Variants in SYNE2 observed in about 807,000 individuals in gnomAD.
SYNE2 encodes the protein nesprin-2.
SYNE2 carries 431 observed loss-of-function variants against 856.3 expected under a neutral mutation model. That is an observed-to-expected ratio of 0.50 (90% CI 0.47 to 0.55). The LOEUF is 0.55. Ranked by LOEUF, SYNE2 falls within the 20% of genes least tolerant of loss-of-function variation. The pLI is 0.00. For synonymous variants in SYNE2, 2,923 were observed against 2,872.3 expected (o/e 1.02, Z -0.56); for missense variants, 8,129 against 8,023.2 (o/e 1.01, Z -0.50).
chr14:63,924,852 T>TTTTTTTTTTG (rs1595670975), intron 2 of SYNE2, among the ~76,000 whole-genome samples: 1 of 138,496 alleles, frequency 7.2e-6, no homozygotes, highest in East Asian at 2.1e-4. Flanking sequence ...TTTTTTTTTT[T>TTTTTTTTTTG]TTTTTTTTTT....
At chr14:63,791,496 A>AT (rs1458148765) in intron 1 of SYNE2, among the ~76,000 whole-genome samples, 1 of 152,046 alleles carries the variant, frequency 6.6e-6, no homozygotes, top group South Asian at 2.1e-4. Flanking sequence ...AAATATCTCA[A>AT]TTTTTCTCTT....
chr14:63,763,255 A>G (rs1756685736), intron 1 of SYNE2, among the ~76,000 whole-genome samples: 1 of 152,252 alleles, frequency 6.6e-6, no homozygotes, highest in Non-Finnish European at 1.5e-5. Context: ...GGCATGAGCC[A>G]CCACGCCTGG....
intron 94 of SYNE2, 151 bp downstream of exon 94, chr14:64,170,613 A>C: frequency 1.3e-6 from 1 of 782,910 alleles, no homozygotes; most frequent in Admixed American, 2.0e-5. Flanking sequence ...ACCACCCCCC[A>C]CAGCCCAGTC....
At chr14:63,845,252 C>G (rs1890188522) in intron 1 of SYNE2, among the ~76,000 whole-genome samples, 1 of 151,980 alleles carries the variant, frequency 6.6e-6, no homozygotes, top group African/African-American at 2.4e-5. Context: ...CTCGTCTCTA[C>G]TAAAATTACA....
In SYNE2 at chr14:64,090,932, C is replaced by G. The variant is rs779894203; in HGVS notation, c.11860C>G (p.Leu3954Val). ...TGAGATAGTGTCTTACCAAGTGGAA[C>G]TGAGGTTGCCCCAAACAGGAATGAA... is the stretch of plus-strand genomic sequence containing the variant. ...IAEIVSYQVE[L>V]RLPQTGMKPL... The change falls in exon 60 of 116, where the codon CTG becomes GTG. Residue 3954 changes from leucine (L) to valine (V), a missense_variant. Leu to Val is a conservative substitution (Grantham distance 32, BLOSUM62 1). Around this residue, in one of 3 missense-constraint regions of SYNE2, gnomAD observed 5,410 missense variants for 5,284.8 expected, o/e 1.02. Transcript: ENST00000555002. 1 of 1,614,122 alleles carries G rather than the reference C, an allele frequency of 6.2e-7. No homozygotes were observed. The highest frequency in any genetic ancestry group is 8.5e-7 in the Non-Finnish European group (1 of 1,180,002).
At chr14:64,157,703 G>A (rs1370056676) in intron 85 of SYNE2, among the ~76,000 whole-genome samples, 1 of 152,184 alleles carries the variant, frequency 6.6e-6, no homozygotes, top group East Asian at 1.9e-4. Flanking sequence ...CACCAGCAAT[G>A]TATGAGGATT....
At position 64,202,940 on chromosome 14, in the gene SYNE2, CAG is replaced by C; in HGVS notation, c.18180_18181del (p.Lys6061GlufsTer4). 1 of 1,614,156 alleles carries C rather than the reference CAG, an allele frequency of 6.2e-7. No individual in the cohort carries two copies. The highest frequency in any genetic ancestry group is 8.5e-7 in the Non-Finnish European group (1 of 1,180,022). ...VYDVCDDQEIQKRLAEQQDLQ... is the reference protein window; with the variant it reads ...VYDVCDDQEIXKRLAEQQDLQ... ...TGATGTCTGCGATGATCAAGAGATC[CAG>C]AAGAGGCTCGCTGAGCAGCAGGTGG... On this transcript the variant is annotated frameshift_variant, in exon 100 of 116. Transcript: ENST00000555002. LOFTEE classifies it high-confidence loss of function.
At chr14:64,185,519 C>CTTTTTTTTTTTT (rs66490444) in intron 96 of SYNE2, among the ~76,000 whole-genome samples, 61 of 77,448 alleles carry the variant, frequency 7.9e-4, no homozygotes, top group East Asian at 1.1e-3. Context: ...TTTTCTTTTT[C>CTTTTTTTTTTTT]TTTTTTTTTT....
chr14:63,913,440 T>TTTTTTC (rs2095496649), intron 2 of SYNE2, among the ~76,000 whole-genome samples: 1 of 150,644 alleles, frequency 6.6e-6, no homozygotes, highest in South Asian at 2.1e-4. Flanking sequence ...ATATATGTAT[T>TTTTTTC]TTTTTCTTTT....
In SYNE2 at chr14:63,936,031, T is replaced by C. The variant is rs551376677; in HGVS notation, c.80-4583T>C. On this transcript the variant is annotated intron_variant, in intron 2 of 115. Coordinates refer to ENST00000555002, the MANE Select transcript of SYNE2 (RefSeq NM_182914.3). ...CTGGGATTACAGGTGCCCACCACCA[T>C]GCCTGGCTAATTTTTGTATTTTTAA... Among the ~76,000 whole-genome samples the C allele has an allele frequency of 5.7e-3, 869 of 152,204 alleles. 7 individuals carry two copies. Among genetic ancestry groups the C allele is most frequent in the African/African-American group, 0.02 (823 of 41,546 alleles).
At chr14:63,848,800 T>C (rs2139951103), upstream of SYNE2, among the ~76,000 whole-genome samples, 1 of 152,350 alleles carries the variant, frequency 6.6e-6, no homozygotes, top group African/African-American at 2.4e-5. Flanking sequence ...TAATGACAGC[T>C]ATCATTTGTT....
intron 2 of SYNE2, among the ~76,000 whole-genome samples, chr14:63,935,046 A>C (rs1241244399): frequency 1.3e-5 from 2 of 151,994 alleles, no homozygotes; most frequent in African/African-American, 4.8e-5. Context: ...GTGGCAATAC[A>C]TGTTTAAAAG....
At chr14:64,155,221 C>T (rs913449619) in intron 85 of SYNE2, among the ~76,000 whole-genome samples, 4 of 152,124 alleles carry the variant, frequency 2.6e-5, no homozygotes, top group Admixed American at 2.6e-4. Context: ...ACCCAACTGT[C>T]CATCTACTAA....
intron 8 of SYNE2, 74 bp downstream of exon 8, chr14:63,954,989 C>A: frequency 8.3e-7 from 1 of 1,210,120 alleles, no homozygotes. Context: ...AGTATCTATA[C>A]ATGAATAAAC....
At chr14:63,921,631 G>A (rs750622456) in intron 2 of SYNE2, among the ~76,000 whole-genome samples, 8 of 152,164 alleles carry the variant, frequency 5.3e-5, no homozygotes, top group Non-Finnish European at 7.3e-5. Context: ...GTATCCATTA[G>A]GTTCAACAAT....
At chr14:64,206,714 T>C (rs2098607024) in intron 100 of SYNE2, among the ~76,000 whole-genome samples, 1 of 152,200 alleles carries the variant, frequency 6.6e-6, no homozygotes, top group Non-Finnish European at 1.5e-5. Context: ...TTGCAGAGTT[T>C]ATTAAAATAC....
At position 64,017,602 on chromosome 14, in the gene SYNE2, A is replaced by G; in HGVS notation, c.4895A>G (p.Glu1632Gly). 6.2e-7 allele frequency: 1 copy of G among 1,611,700 alleles called. No individual in the cohort carries two copies. Residue 1632 changes from glutamate to glycine, a missense_variant, in exon 34 of 116, where the codon GAG (glutamate) becomes GGG (glycine). Around this residue, in one of 3 missense-constraint regions of SYNE2, gnomAD observed 2,422 missense variants for 2,357.4 expected, o/e 1.03. Coordinates refer to ENST00000555002, the MANE Select transcript of SYNE2 (RefSeq NM_182914.3). ...CTTTTTAAATTATGGTAGATAAATG[A>G]GAAGACAGAAGATTACTATGAAAAT... ...IIVDRWLDIN[E>G]KTEDYYENLG...
intron 85 of SYNE2, among the ~76,000 whole-genome samples, chr14:64,155,674 G>A (rs2098280184): frequency 6.6e-6 from 1 of 152,144 alleles, no homozygotes; most frequent in South Asian, 2.1e-4. Context: ...AACCTGTAAT[G>A]TCAGCACTTT....
chr14:63,780,762 T>C (rs1397513771), intron 1 of SYNE2, among the ~76,000 whole-genome samples: 1 of 152,150 alleles, frequency 6.6e-6, no homozygotes, highest in Admixed American at 6.6e-5. Context: ...TCTTATTACA[T>C]TGAACCAAAG....
Sources: gnomAD v4.1 joint callset for allele counts (sites outside exome capture counted in the v4.1 genomes callset) on GRCh38, gnomAD v4.1.1 for gene constraint, gnomAD v4.1.1 regional missense constraint, MANE v1.5 for transcripts, NCBI Gene and HGNC (gene_info 2026-07-23, HGNC 2026-07-21) for gene names.